The following KAZN variants were observed in gnomAD, a reference collection of about 807,000 sequenced individuals.
KAZN encodes the protein kazrin, periplakin interacting protein.
KAZN carries 40 observed loss-of-function variants against 87.4 expected under a neutral mutation model. That is an observed-to-expected ratio of 0.46 (90% CI 0.36 to 0.60). The LOEUF is 0.60. Among genes scored for constraint, KAZN ranks in the 20% least tolerant of loss-of-function variants. KAZN has a pLI of 0.00. For synonymous variants in KAZN, 466 were observed against 458.3 expected (o/e 1.02, Z -0.22); for missense variants, 898 against 1,073.9 (o/e 0.84, Z 2.29).
rs72863652 is a variant in KAZN at position 14,600,649 on chromosome 1, C to A, written c.226+1426C>A. 4.1e-3 allele frequency among the ~76,000 whole-genome samples: 534 copies of A among 131,468 alleles called. 6 individuals are homozygous for A. The highest frequency in any genetic ancestry group is 0.015 in the African/African-American group (513 of 34,194). 86.2% of individuals were successfully genotyped at this position (131,468 alleles called of 152,430 possible). On this transcript the variant is annotated intron_variant, in intron 1 of 14. Transcript: ENST00000376030. ...ATGTCATTGTGTGCGAAAGAACATT[C>A]TCCACTGGAACCTGTGCAAAAAAAA...
Position 14,735,575 on chromosome 1 carries a change from C to T in KAZN, c.226+136352C>T, listed in dbSNP as rs1289814962. Among the ~76,000 whole-genome samples the T allele has an allele frequency of 6.6e-6, 1 of 152,156 alleles. No homozygotes were observed. Among genetic ancestry groups the T allele is most frequent in the African/African-American group, 2.4e-5 (1 of 41,422 alleles). ...GTGCTAAACCCCACACACCTAACGG[C>T]CGTTTTCACATGGCAGCCCCCCACG... On this transcript the variant is annotated intron_variant, in intron 1 of 14. Transcript: ENST00000376030. The surrounding 1 kb of genome is among the most constrained non-coding windows in gnomAD (Gnocchi z 4.3).
At chr1:15,088,519 A>C (rs1640372532) in intron 8 of KAZN, among the ~76,000 whole-genome samples, 1 of 152,024 alleles carries the variant, frequency 6.6e-6, no homozygotes, top group South Asian at 2.1e-4. Flanking sequence ...TCCACCAGGG[A>C]CTCAGCCAGC....
chr1:14,790,295 A>G (rs1308957286), intron 1 of KAZN, among the ~76,000 whole-genome samples: 1 of 151,868 alleles, frequency 6.6e-6, no homozygotes, highest in East Asian at 1.9e-4. Flanking sequence ...TGCAGGCGTG[A>G]GCCACCATGC....
chr1:14,462,060 G>A (rs1037277220), intron 2 of KAZN, among the ~76,000 whole-genome samples: 4 of 151,258 alleles, frequency 2.6e-5, no homozygotes, highest in African/African-American at 9.7e-5. Context: ...TATTGTTCTA[G>A]GATTGTGGGA....
chr1:15,077,953 G>A lies in KAZN; in HGVS notation c.1222+12200G>A, dbSNP rs575241416. Among the ~76,000 whole-genome samples the A allele has an allele frequency of 4.6e-5, 7 of 152,136 alleles. No homozygotes were observed. The highest frequency in any genetic ancestry group is 7.2e-5 in the African/African-American group (3 of 41,404). On this transcript the variant is annotated intron_variant, in intron 8 of 14. Transcript: ENST00000376030. This position sits in a 1 kb window ranked among gnomAD's most constrained non-coding sequence, Gnocchi z 4.8. ...ATGTACACTCATTAAGTCTTTCAAC[G>A]AACACTGACTGAATGTTTCCTATAT...
intron 1 of KAZN, among the ~76,000 whole-genome samples, chr1:14,619,032 G>A (rs528004230): frequency 6.6e-6 from 1 of 152,148 alleles, no homozygotes; most frequent in African/African-American, 2.4e-5. Flanking sequence ...CCAGTGTTTC[G>A]GTTTGGCTCA....
chr1:14,976,517 C>T (rs1665638031), intron 2 of KAZN, among the ~76,000 whole-genome samples: 1 of 152,236 alleles, frequency 6.6e-6, no homozygotes, highest in Non-Finnish European at 1.5e-5. Context: ...TCCGGCAGAG[C>T]ACATTGCCCG....
At chr1:15,027,121 G>C (rs984735306) in intron 2 of KAZN, among the ~76,000 whole-genome samples, 4 of 106,258 alleles carry the variant, frequency 3.8e-5, no homozygotes, top group Non-Finnish European at 6.9e-5. Flanking sequence ...TCGCTCTGTC[G>C]CCCAGGCTGG....
intron 1 of KAZN, among the ~76,000 whole-genome samples, chr1:14,945,322 T>G (rs1292807396): frequency 6.6e-6 from 1 of 152,216 alleles, no homozygotes; most frequent in African/African-American, 2.4e-5. Flanking sequence ...CTCAATTGGC[T>G]GGAAACCGGG....
At chr1:14,094,314 G>A (rs1644078807) in intron 1 of KAZN, among the ~76,000 whole-genome samples, 1 of 152,170 alleles carries the variant, frequency 6.6e-6, no homozygotes, top group Non-Finnish European at 1.5e-5. Context: ...AATTTGGAAA[G>A]CTATATTAAG....
rs1170013135 is a variant in KAZN, at chr1:14,780,477, G to A, written c.227-180207G>A. Among the ~76,000 whole-genome samples, 3 of 152,198 alleles carry A rather than the reference G, an allele frequency of 2.0e-5. No homozygotes were observed. The East Asian group carries it at 5.8e-4, about 29-fold the overall frequency. On this transcript the variant is annotated intron_variant, in intron 1 of 14. Coordinates refer to ENST00000376030, the MANE Select transcript of KAZN (RefSeq NM_201628.3). ...GATGAGCCATGTCCTCCCACTCACT[G>A]CCTGGATGGCCTTGGCAAGTTGCAT...
chr1:14,773,410 C>G lies in KAZN; in HGVS notation c.226+174187C>G, dbSNP rs931833642. Among the ~76,000 whole-genome samples the G allele has an allele frequency of 5.9e-5, 9 of 152,090 alleles. No individual in the cohort carries two copies. Among genetic ancestry groups the G allele is most frequent in the Non-Finnish European group, 1.3e-4 (9 of 68,018 alleles). ...ACGCCCTCCACTCCACGGGGTCTCCCTTCTTGTAGCATTTTCAACTCTGCC... is the reference window on the plus strand; with the variant it reads ...ACGCCCTCCACTCCACGGGGTCTCCGTTCTTGTAGCATTTTCAACTCTGCC... On this transcript the variant is annotated intron_variant, in intron 1 of 14. Coordinates refer to ENST00000376030, the MANE Select transcript of KAZN (RefSeq NM_201628.3). This position sits in a 1 kb window ranked among gnomAD's most constrained non-coding sequence, Gnocchi z 5.9.
chr1:14,849,875 A>C (rs1230293048), intron 1 of KAZN, among the ~76,000 whole-genome samples: 6 of 152,046 alleles, frequency 3.9e-5, no homozygotes, highest in African/African-American at 1.4e-4. Context: ...GCAGTTCTGG[A>C]AGCCACTAAA....
intron 2 of KAZN, among the ~76,000 whole-genome samples, chr1:14,563,254 T>A (rs72647606): frequency 0.073 from 11,184 of 152,230 alleles, 471 homozygotes; most frequent in African/African-American, 0.096. Context: ...CACCAGTAGC[T>A]CCTGGAGCTC....
chr1:13,936,294 G>A (rs1405091625), intron 1 of KAZN, among the ~76,000 whole-genome samples: 1 of 151,110 alleles, frequency 6.6e-6, no homozygotes, highest in Non-Finnish European at 1.5e-5. Flanking sequence ...TAGAGACAGA[G>A]TTTCTCCGTG....
intron 2 of KAZN, among the ~76,000 whole-genome samples, chr1:14,350,240 T>C (rs1424211442): frequency 6.6e-6 from 1 of 151,946 alleles, no homozygotes; most frequent in Admixed American, 6.6e-5. Context: ...TGAGTCCACT[T>C]TGGAGTCAAA....
At chr1:15,023,103 G>T (rs745403949) in intron 2 of KAZN, among the ~76,000 whole-genome samples, 5 of 152,232 alleles carry the variant, frequency 3.3e-5, no homozygotes, top group Non-Finnish European at 7.3e-5. Flanking sequence ...TGGTTTCCAG[G>T]CTGCTAGTGC....
At chr1:14,608,149 C>G (rs1462068662) in intron 1 of KAZN, among the ~76,000 whole-genome samples, 1 of 152,234 alleles carries the variant, frequency 6.6e-6, no homozygotes, top group Non-Finnish European at 1.5e-5. Flanking sequence ...ATCCAGATGT[C>G]ACTATCAGGT....
chr1:14,532,408 A>G (rs1032186427), intron 2 of KAZN, among the ~76,000 whole-genome samples: 1 of 152,086 alleles, frequency 6.6e-6, no homozygotes, highest in African/African-American at 2.4e-5. Flanking sequence ...CCAAAGGGCA[A>G]TGATTGTCAT....
Sources: gnomAD v4.1 joint callset for allele counts (sites outside exome capture counted in the v4.1 genomes callset) on GRCh38, gnomAD v4.1.1 for gene constraint, Gnocchi (gnomAD v3.1) non-coding constraint, MANE v1.5 for transcripts, NCBI Gene and HGNC (gene_info 2026-07-23, HGNC 2026-07-21) for gene names.